The following XKR4 variants were observed in gnomAD, a reference collection of about 807,000 sequenced individuals.
The protein encoded by XKR4 is XK-related protein 4.
In XKR4, 12 loss-of-function variants were observed where a neutral mutation model predicts 53.9. That is an observed-to-expected ratio of 0.22 (90% CI 0.14 to 0.36). The LOEUF is 0.36. Ranked by LOEUF, XKR4 falls within the 10% of genes least tolerant of loss-of-function variation. XKR4 has a pLI of 1.00. For synonymous variants in XKR4, 354 were observed against 362.4 expected (o/e 0.98, Z 0.26); for missense variants, 799 against 859.5 (o/e 0.93, Z 0.88).
intron 1 of XKR4, among the ~76,000 whole-genome samples, chr8:55,124,859 T>G (rs1008372126): frequency 2.6e-5 from 4 of 152,202 alleles, no homozygotes; most frequent in African/African-American, 9.7e-5. Context: ...TCCTCATTTT[T>G]ACTTGGAAAG....
chr8:55,107,316 C>T (rs572098460), intron 1 of XKR4, among the ~76,000 whole-genome samples: 6 of 152,214 alleles, frequency 3.9e-5, no homozygotes, highest in Non-Finnish European at 7.4e-5. Context: ...AAACGGGGCC[C>T]ATTTTACCAT....
chr8:55,275,265 TAA>T (rs1818747862), intron 1 of XKR4, among the ~76,000 whole-genome samples: 1 of 152,190 alleles, frequency 6.6e-6, no homozygotes, highest in South Asian at 2.1e-4. Flanking sequence ...AATATTCTTA[TAA>T]GTCTATCTTA....
At chr8:55,492,233 G>C (rs1211600563) in intron 2 of XKR4, among the ~76,000 whole-genome samples, 1 of 151,962 alleles carries the variant, frequency 6.6e-6, no homozygotes, top group Non-Finnish European at 1.5e-5. Flanking sequence ...TTGTCTAGTT[G>C]TTTATGGAAA....
intron 1 of XKR4, among the ~76,000 whole-genome samples, chr8:55,230,981 T>C (rs1165386854): frequency 6.6e-6 from 1 of 152,156 alleles, no homozygotes; most frequent in East Asian, 1.9e-4. Context: ...GTGTCTGAGC[T>C]CTGGGGATTT....
intron 1 of XKR4, among the ~76,000 whole-genome samples, chr8:55,304,628 G>A (rs755365754): frequency 6.6e-6 from 1 of 152,160 alleles, no homozygotes; most frequent in Non-Finnish European, 1.5e-5. Flanking sequence ...TTGTGTGGGA[G>A]TCTAAGTCTC....
At chr8:55,391,030 C>CA (rs986631252) in intron 2 of XKR4, among the ~76,000 whole-genome samples, 105 of 151,738 alleles carry the variant, frequency 6.9e-4, no homozygotes, top group African/African-American at 2.2e-3. Context: ...ATATGAAACA[C>CA]AAAAAAAATG....
chr8:55,282,314 G>A (rs1486831156), intron 1 of XKR4, among the ~76,000 whole-genome samples: 1 of 152,106 alleles, frequency 6.6e-6, no homozygotes, highest in African/African-American at 2.4e-5. Flanking sequence ...CTGTGTTTGT[G>A]GTGTATCTTA....
chr8:55,256,505 A>C (rs1436158884), intron 1 of XKR4, among the ~76,000 whole-genome samples: 1 of 152,202 alleles, frequency 6.6e-6, no homozygotes, highest in Non-Finnish European at 1.5e-5. Flanking sequence ...AACATTTAGG[A>C]AACAATATCA....
chr8:55,451,203 C>G, intron 2 of XKR4: 1 of 560,598 alleles, frequency 1.8e-6, no homozygotes, highest in East Asian at 3.1e-5. Context: ...CATCGCCTCT[C>G]TGCCAGCTAG....
At chr8:55,233,361 T>A (rs1307225919) in intron 1 of XKR4, among the ~76,000 whole-genome samples, 1 of 151,762 alleles carries the variant, frequency 6.6e-6, no homozygotes, top group Non-Finnish European at 1.5e-5. Flanking sequence ...TATGTCATTC[T>A]AAATTCCCAC....
intron 2 of XKR4, among the ~76,000 whole-genome samples, chr8:55,455,446 GA>G (rs1350182901): frequency 6.6e-6 from 1 of 152,132 alleles, no homozygotes; most frequent in Non-Finnish European, 1.5e-5. Context: ...TTACCAACCT[GA>G]AGTTCAACAC....
chr8:55,521,762 T>G (rs1319396355), intron 2 of XKR4, among the ~76,000 whole-genome samples: 1 of 152,256 alleles, frequency 6.6e-6, no homozygotes, highest in Non-Finnish European at 1.5e-5. Context: ...TCAATTAGTG[T>G]GGTCTTTTTC....
At chr8:55,295,860 T>A (rs1819094658) in intron 1 of XKR4, among the ~76,000 whole-genome samples, 1 of 152,166 alleles carries the variant, frequency 6.6e-6, no homozygotes, top group African/African-American at 2.4e-5. Flanking sequence ...TATGTTTGAG[T>A]GTTTTAGTTA....
chr8:55,158,713 A>G (rs939343306), intron 1 of XKR4, among the ~76,000 whole-genome samples: 2 of 152,220 alleles, frequency 1.3e-5, no homozygotes, highest in Non-Finnish European at 2.9e-5. Flanking sequence ...AATCTTCGGC[A>G]TATGGCTAGC....
intron 1 of XKR4, among the ~76,000 whole-genome samples, chr8:55,226,563 C>G (rs990332935): frequency 2.0e-5 from 3 of 152,136 alleles, no homozygotes; most frequent in Admixed American, 6.5e-5. Context: ...TCTTCCCAAC[C>G]CATTTTTTAG....
intron 2 of XKR4, chr8:55,454,455 A>G (rs1805523304): frequency 8.4e-7 from 1 of 1,186,030 alleles, no homozygotes; most frequent in Non-Finnish European, 1.2e-6. Context: ...CGGGACAGGA[A>G]GAGAACCTCG....
At chr8:55,166,771 A>G (rs1817071210) in intron 1 of XKR4, among the ~76,000 whole-genome samples, 1 of 152,178 alleles carries the variant, frequency 6.6e-6, no homozygotes, top group African/African-American at 2.4e-5. Context: ...AAGAAGGTCA[A>G]TGTGTCTGGA....
chr8:55,284,967 A>G (rs1298385601), intron 1 of XKR4, among the ~76,000 whole-genome samples: 2 of 152,196 alleles, frequency 1.3e-5, no homozygotes, highest in Non-Finnish European at 2.9e-5. Flanking sequence ...CTCCTAAGTC[A>G]CTGCAATCTC....
intron 2 of XKR4, among the ~76,000 whole-genome samples, chr8:55,382,681 T>A (rs1275843702): frequency 6.6e-6 from 1 of 152,208 alleles, no homozygotes; most frequent in Non-Finnish European, 1.5e-5. Flanking sequence ...GAAGGTTGGG[T>A]GGATGCCCAA....
Sources: gnomAD v4.1 joint callset for allele counts (sites outside exome capture counted in the v4.1 genomes callset) on GRCh38, gnomAD v4.1.1 for gene constraint, MANE v1.5 for transcripts, NCBI Gene and HGNC (gene_info 2026-07-23, HGNC 2026-07-21) for gene names.